ABCA13: variants seen among roughly 807,000 people sequenced by gnomAD.
ABCA13 encodes ATP-binding cassette sub-family A member 13.
Under a neutral mutation model 478.7 loss-of-function variants are expected in ABCA13, and 476 were observed. The observed-to-expected ratio is 0.99, with a 90% confidence interval of 0.92 to 1.07. The LOEUF (loss-of-function observed/expected upper bound fraction) is 1.07. Among genes scored for constraint, ABCA13 ranks in the 50% least tolerant of loss-of-function variants. The pLI is 0.00. For missense variants in ABCA13, 6,060 were observed against 5,910.6 expected, an observed-to-expected ratio of 1.03 and a Z score of -0.83; for synonymous variants, 2,252 against 2,158.9, an observed-to-expected ratio of 1.04 and a Z score of -1.20.
chr7:48,356,051 A>C (rs2128993485), intron 31 of ABCA13, among the ~76,000 whole-genome samples: 1 of 152,102 alleles, frequency 6.6e-6, no homozygotes, highest in East Asian at 1.9e-4. Context: ...GAGGTAAATG[A>C]GAAGAGGAGA....
chr7:48,609,749 C>T (rs1791834210), intron 58 of ABCA13, among the ~76,000 whole-genome samples: 2 of 152,084 alleles, frequency 1.3e-5, no homozygotes, highest in Admixed American at 6.5e-5. Flanking sequence ...TTTTTTGAAG[C>T]TAGCACATCT....
intron 42 of ABCA13, among the ~76,000 whole-genome samples, chr7:48,439,426 A>T (rs1414391488): frequency 6.6e-6 from 1 of 152,036 alleles, no homozygotes; most frequent in Non-Finnish European, 1.5e-5. Context: ...AAAGTTATTA[A>T]AAAATGTATC....
intron 35 of ABCA13, among the ~76,000 whole-genome samples, chr7:48,384,380 G>T (rs1001935483): frequency 3.9e-5 from 6 of 152,220 alleles, no homozygotes; most frequent in Non-Finnish European, 5.9e-5. Context: ...CTGCACTTGC[G>T]TGTTCAGACA....
chr7:48,637,748 A>G (rs1180012706), intron 59 of ABCA13, among the ~76,000 whole-genome samples: 1 of 152,202 alleles, frequency 6.6e-6, no homozygotes, highest in Non-Finnish European at 1.5e-5. Context: ...TTACTTTAAA[A>G]TGATCCCCTT....
At position 48,511,854 on chromosome 7, in the gene ABCA13, T is replaced by A. The variant is rs767202546; in HGVS notation, c.13640+655T>A. ...AAATCATTATCATACTAATTTATTA[T>A]ACTTCAAGGCTATTTTAAAAGATAA... is the stretch of plus-strand genomic sequence containing the variant. On this transcript the variant is annotated intron_variant, in intron 51 of 61. Coordinates refer to ENST00000435803, the MANE Select transcript of ABCA13 (RefSeq NM_152701.5). Among the ~76,000 whole-genome samples, 65 of 152,320 alleles carry A rather than the reference T, an allele frequency of 4.3e-4. No homozygotes were observed. The Middle Eastern group carries it at 0.01, about 24-fold the overall frequency.
chr7:48,186,481 T>C (rs958760134), intron 1 of ABCA13, among the ~76,000 whole-genome samples: 1 of 152,106 alleles, frequency 6.6e-6, no homozygotes, highest in Non-Finnish European at 1.5e-5. Flanking sequence ...CTTAGTTGTG[T>C]TGAAGTTTCA....
At chr7:48,367,963 G>A in intron 32 of ABCA13, 55 bp downstream of exon 32, 1 of 1,397,938 alleles carries the variant, frequency 7.2e-7, no homozygotes, top group Admixed American at 2.1e-5. Flanking sequence ...TGGGGACTTT[G>A]GAAATGGATC....
At chr7:48,244,823 CATATGCAT>C (rs1347968848) in intron 11 of ABCA13, 120 bp downstream of exon 11, 1 of 1,242,120 alleles carries the variant, frequency 8.1e-7, no homozygotes, top group African/African-American at 1.5e-5. Context: ...TTGCTGGTGT[CATATGCAT>C]ATTTATGCTT....
At chr7:48,603,498 C>T (rs372051053) in intron 58 of ABCA13, among the ~76,000 whole-genome samples, 160 of 152,046 alleles carry the variant, frequency 1.1e-3, no homozygotes, top group African/African-American at 3.4e-3. Flanking sequence ...ATGTGGTTTT[C>T]GTCGTTGATT....
rs373369519 is a variant in ABCA13, at chr7:48,239,323, A to G, written c.980A>G (p.His327Arg). ...TSEDEAEKWGHVGGCHPKWSE... is the reference protein window; with the variant it reads ...TSEDEAEKWGRVGGCHPKWSE... The stretch of plus-strand genomic sequence containing the variant: ...GAGGATGAAGCTGAGAAATGGGGCC[A>G]CGTTGGAGGCTGCCACCCTAAGTGG... Residue 327 changes from histidine (H) to arginine (R), a missense_variant, in exon 9 of 62, where the codon CAC (histidine) becomes CGC (arginine). His to Arg is a conservative substitution (Grantham distance 29, BLOSUM62 0). This residue lies in a region of ABCA13 where 4,423 missense variants were observed against 4,309.1 expected (regional missense o/e 1.03). Coordinates refer to ENST00000435803, the MANE Select transcript of ABCA13 (RefSeq NM_152701.5). 1 of 1,613,864 alleles carries G rather than the reference A, an allele frequency of 6.2e-7. No homozygotes were observed. The highest frequency in any genetic ancestry group is 1.3e-5 in the African/African-American group (1 of 74,932).
chr7:48,204,213 T>C (rs1784613424), intron 3 of ABCA13, among the ~76,000 whole-genome samples: 1 of 150,456 alleles, frequency 6.6e-6, no homozygotes, highest in Non-Finnish European at 1.5e-5. Context: ...CCTAGACTTA[T>C]AATTTTTTTT....
At chr7:48,443,571 T>C (rs1450295488) in intron 42 of ABCA13, among the ~76,000 whole-genome samples, 1 of 152,256 alleles carries the variant, frequency 6.6e-6, no homozygotes, top group African/African-American at 2.4e-5. Flanking sequence ...GATTTGTTGT[T>C]ACTCATCGCA....
At chr7:48,532,448 G>A (rs1833302296) in intron 55 of ABCA13, among the ~76,000 whole-genome samples, 1 of 151,484 alleles carries the variant, frequency 6.6e-6, no homozygotes, top group African/African-American at 2.4e-5. Flanking sequence ...GGATATTGGT[G>A]TGTTGTGTTG....
intron 58 of ABCA13, among the ~76,000 whole-genome samples, chr7:48,600,640 T>C (rs1205907457): frequency 6.6e-6 from 1 of 152,164 alleles, no homozygotes; most frequent in Non-Finnish European, 1.5e-5. Flanking sequence ...TCTAGAAAAG[T>C]GTTGTAATCT....
At chr7:48,392,566 A>G (rs1394610074) in intron 38 of ABCA13, among the ~76,000 whole-genome samples, 1 of 152,142 alleles carries the variant, frequency 6.6e-6, no homozygotes, top group Non-Finnish European at 1.5e-5. Flanking sequence ...TTCCTGTCAC[A>G]CACACACACA....
At chr7:48,394,465 G>A (rs1585136924) in intron 38 of ABCA13, among the ~76,000 whole-genome samples, 2 of 152,094 alleles carry the variant, frequency 1.3e-5, no homozygotes, top group East Asian at 1.9e-4. Context: ...CAGACTTCCT[G>A]AGCATTCTGT....
intron 1 of ABCA13, among the ~76,000 whole-genome samples, chr7:48,187,019 G>GTGTATA (rs1554329613): frequency 9.6e-5 from 14 of 145,114 alleles, no homozygotes; most frequent in Non-Finnish European, 1.7e-4. Context: ...ATGTGTGTGT[G>GTGTATA]TATATATATA....
At chr7:48,472,995 T>C (rs922628656) in intron 45 of ABCA13, among the ~76,000 whole-genome samples, 50 of 152,164 alleles carry the variant, frequency 3.3e-4, no homozygotes, top group African/African-American at 7.5e-4. Context: ...CTCACAATCA[T>C]GGTGGAAGGT....
rs1156546034 is a variant in ABCA13 at position 48,278,199 on chromosome 7, T to C, written c.7005T>C (p.Thr2335=). The C allele has an allele frequency of 6.3e-7, 1 of 1,595,124 alleles. No homozygotes were observed. The highest frequency in any genetic ancestry group is 1.7e-5 in the Admixed American group (1 of 57,958). The stretch of plus-strand genomic sequence containing the variant: ...ACATTTTTTCAAGTTTAAAGGAGAC[T>C]ATATATCACCTAATGAAAAGTTCAT... The part of the protein sequence containing the change: ...LMNIFSSLKE[T]IYHLMKSSFI... Residue 2335 remains threonine (T), a synonymous_variant, in exon 18 of 62, where the codon ACT becomes ACC. Transcript: ENST00000435803.
Sources: gnomAD v4.1 joint callset for allele counts (sites outside exome capture counted in the v4.1 genomes callset) on GRCh38, gnomAD v4.1.1 for gene constraint, gnomAD v4.1.1 regional missense constraint, MANE v1.5 for transcripts, NCBI Gene and HGNC (gene_info 2026-07-23, HGNC 2026-07-21) for gene names.